Variants in ST8SIA4 observed in about 807,000 individuals in gnomAD.
ST8SIA4 encodes the protein ST8 alpha-N-acetyl-neuraminide alpha-2,8-sialyltransferase 4.
ST8SIA4 carries 15 observed loss-of-function variants against 33.9 expected under a neutral mutation model. That is an observed-to-expected ratio of 0.44 (90% CI 0.30 to 0.68). The LOEUF (loss-of-function observed/expected upper bound fraction) is 0.68. Among genes scored for constraint, ST8SIA4 ranks in the 30% least tolerant of loss-of-function variants. The pLI is 0.10. For synonymous variants in ST8SIA4, 171 were observed against 151.2 expected (o/e 1.13, Z -0.96); for missense variants, 321 against 428.0 (o/e 0.75, Z 2.21).
chr5:100,871,047 A>T (rs1041997164), intron 3 of ST8SIA4, among the ~76,000 whole-genome samples: 4 of 152,128 alleles, frequency 2.6e-5, no homozygotes, highest in Non-Finnish European at 5.9e-5. Flanking sequence ...TTGGCTGTCT[A>T]TCATGAACTT....
chr5:100,895,921 A>T (rs1752770558), intron 1 of ST8SIA4, 136 bp from the exon 2 acceptor site: 6 of 831,780 alleles, frequency 7.2e-6, no homozygotes, highest in Non-Finnish European at 1.1e-5. Context: ...GAAATACGCA[A>T]GCATGATGAA....
At chr5:100,831,840 T>G (rs2112415334) in intron 4 of ST8SIA4, among the ~76,000 whole-genome samples, 1 of 152,264 alleles carries the variant, frequency 6.6e-6, no homozygotes, top group South Asian at 2.1e-4. Flanking sequence ...CGAACTAACT[T>G]TTCTACAATT....
chr5:100,845,448 A>G (rs1751548656), intron 4 of ST8SIA4, among the ~76,000 whole-genome samples: 2 of 151,852 alleles, frequency 1.3e-5, no homozygotes, highest in South Asian at 2.1e-4. Context: ...GTAATCGACC[A>G]GTCATCTTGA....
At chr5:100,826,900 T>C (rs1198842865) in intron 4 of ST8SIA4, among the ~76,000 whole-genome samples, 1 of 151,594 alleles carries the variant, frequency 6.6e-6, no homozygotes, top group Admixed American at 6.6e-5. Context: ...TCTGTAAATG[T>C]ATATAACACA....
At chr5:100,867,746 GA>G (rs1407646434) in intron 3 of ST8SIA4, among the ~76,000 whole-genome samples, 1 of 151,940 alleles carries the variant, frequency 6.6e-6, no homozygotes, top group Non-Finnish European at 1.5e-5. Flanking sequence ...ACCCAAGGTT[GA>G]AAATGATTTT....
At chr5:100,876,628 T>C (rs983571908) in intron 3 of ST8SIA4, among the ~76,000 whole-genome samples, 2 of 152,090 alleles carry the variant, frequency 1.3e-5, no homozygotes, top group Non-Finnish European at 2.9e-5. Context: ...GTAAAAATAC[T>C]AGGCATTTTT....
intron 4 of ST8SIA4, among the ~76,000 whole-genome samples, chr5:100,850,271 A>G (rs1056969268): frequency 3.9e-5 from 6 of 152,132 alleles, no homozygotes; most frequent in Non-Finnish European, 7.4e-5. Flanking sequence ...ACATTTATCA[A>G]TGTCATCTGT....
chr5:100,878,240 C>A (rs541972421), intron 3 of ST8SIA4, among the ~76,000 whole-genome samples: 2 of 151,888 alleles, frequency 1.3e-5, no homozygotes, highest in East Asian at 3.9e-4. Context: ...TGCAATGGAG[C>A]GATCTCTGAT....
chr5:100,881,872 G>A (rs1284897184), intron 3 of ST8SIA4, among the ~76,000 whole-genome samples: 3 of 152,118 alleles, frequency 2.0e-5, no homozygotes, highest in Admixed American at 6.6e-5. Context: ...ATGTAAGAAG[G>A]GCCTTTCGCC....
chr5:100,826,054 T>C (rs1027133308), intron 4 of ST8SIA4, among the ~76,000 whole-genome samples: 2 of 152,234 alleles, frequency 1.3e-5, no homozygotes, highest in East Asian at 3.8e-4. Flanking sequence ...AGAATTCTAG[T>C]TCTTTTGAAG....
intron 4 of ST8SIA4, among the ~76,000 whole-genome samples, chr5:100,816,191 G>A (rs963379299): frequency 6.6e-6 from 1 of 152,048 alleles, no homozygotes; most frequent in Admixed American, 6.6e-5. Context: ...TCACCATTTT[G>A]TTCCCTTTCC....
At position 100,831,301 on chromosome 5, in the gene ST8SIA4, A is replaced by G. The variant is rs1013959663; in HGVS notation, c.798-19172T>C. Among the ~76,000 whole-genome samples, 9 of 152,206 alleles carry G rather than the reference A, an allele frequency of 5.9e-5. No homozygotes were observed. The South Asian group carries it at 1.7e-3, about 28-fold the overall frequency. ...TGGGGTGACTGACAGTCTCTATCCC[A>G]TAACTAAGGCCCAGGTAGCTGTTTA... On this transcript the variant is annotated intron_variant, in intron 4 of 4. Coordinates refer to ENST00000231461, the MANE Select transcript of ST8SIA4 (RefSeq NM_005668.6).
chr5:100,863,647 A>G (rs1360013809), intron 3 of ST8SIA4, among the ~76,000 whole-genome samples: 3 of 152,216 alleles, frequency 2.0e-5, no homozygotes, highest in Non-Finnish European at 4.4e-5. Flanking sequence ...AAATAAAAAA[A>G]TCTTCTTTAG....
At chr5:100,818,676 C>G (rs996620921) in intron 4 of ST8SIA4, among the ~76,000 whole-genome samples, 9 of 151,900 alleles carry the variant, frequency 5.9e-5, no homozygotes, top group Admixed American at 4.6e-4. Context: ...TGTCAAGTAG[C>G]TGAGAAAAAG....
chr5:100,808,041 A>G lies in ST8SIA4; in HGVS notation c.*3806T>C, dbSNP rs1337285216. 1 of 152,516 alleles carries G rather than the reference A, an allele frequency of 6.6e-6. No individual in the cohort carries two copies. The highest frequency in any genetic ancestry group is 1.5e-5 in the Non-Finnish European group (1 of 67,966). 9.4% of individuals were successfully genotyped at this position (152,516 alleles called of 1,614,324 possible). A position where few individuals can be genotyped will look rare whatever the true frequency, so the allele number is the denominator to read the frequency against. Reference sequence around the variant, plus strand: ...GTAGAGATAACAACTAACTATACACAACTCTTCCCATACCCCTTCCACAAT... The same window carrying G: ...GTAGAGATAACAACTAACTATACACGACTCTTCCCATACCCCTTCCACAAT... On this transcript the variant is annotated 3_prime_UTR_variant, in exon 5 of 5. Transcript: ENST00000231461.
rs142521253 is a variant in ST8SIA4 at position 100,839,180 on chromosome 5, A to T, written c.797+16923T>A. Among the ~76,000 whole-genome samples, 559 of 152,112 alleles carry T rather than the reference A, an allele frequency of 3.7e-3. 2 individuals carry two copies. Among genetic ancestry groups the T allele is most frequent in the African/African-American group, 0.013 (535 of 41,550 alleles). On this transcript the variant is annotated intron_variant, in intron 4 of 4. Coordinates refer to ENST00000231461, the MANE Select transcript of ST8SIA4 (RefSeq NM_005668.6). Reference sequence around the variant, plus strand: ...CCAACTTAGAATATGCAAAAAAATTATATTTAATTATGATATGAATTTCAC... The same window carrying T: ...CCAACTTAGAATATGCAAAAAAATTTTATTTAATTATGATATGAATTTCAC...
At chr5:100,851,060 A>G (rs1272512279) in intron 4 of ST8SIA4, among the ~76,000 whole-genome samples, 4 of 147,834 alleles carry the variant, frequency 2.7e-5, no homozygotes, top group African/African-American at 1.0e-4. Context: ...CCTGGGCTTA[A>G]GCGATTCTTC....
At chr5:100,836,661 T>C (rs898914994) in intron 4 of ST8SIA4, among the ~76,000 whole-genome samples, 1 of 152,034 alleles carries the variant, frequency 6.6e-6, no homozygotes, top group Non-Finnish European at 1.5e-5. Flanking sequence ...ATTAAAGATA[T>C]CATTTCATAA....
At chr5:100,819,408 A>T (rs952968695) in intron 4 of ST8SIA4, among the ~76,000 whole-genome samples, 2 of 152,202 alleles carry the variant, frequency 1.3e-5, no homozygotes, top group Admixed American at 1.3e-4. Context: ...TATTCCTGCC[A>T]TAAAGGGCAG....
Sources: gnomAD v4.1 joint callset for allele counts (sites outside exome capture counted in the v4.1 genomes callset) on GRCh38, gnomAD v4.1.1 for gene constraint, MANE v1.5 for transcripts, NCBI Gene and HGNC (gene_info 2026-07-23, HGNC 2026-07-21) for gene names.